MLLT3: variants seen among roughly 807,000 people sequenced by gnomAD.
MLLT3 encodes MLLT3 super elongation complex subunit, also known as protein AF-9.
Under a neutral mutation model 53.2 loss-of-function variants are expected in MLLT3, and 4 were observed. The ratio of observed to expected loss-of-function variants is 0.08; its 90% CI spans 0.04 to 0.17. The LOEUF (loss-of-function observed/expected upper bound fraction) is 0.17, where lower values mean the gene tolerates loss of function less well. MLLT3 is among the 10% of genes least tolerant of loss of function. The probability of loss-of-function intolerance (pLI) is 1.00; values close to 1 mark genes in which losing one functional copy is unlikely to be tolerated. For synonymous variants in MLLT3, 283 were observed against 230.6 expected, an observed-to-expected ratio of 1.23 and a Z score of -2.06; for missense variants, 569 against 684.0, an observed-to-expected ratio of 0.83 and a Z score of 1.87.
At chr9:20,601,943 T>C (rs1820432808) in intron 2 of MLLT3, among the ~76,000 whole-genome samples, 3 of 152,236 alleles carry the variant, frequency 2.0e-5, no homozygotes, top group Admixed American at 1.3e-4. Flanking sequence ...ATCCAGCTTG[T>C]CCACCGGGCT....
chr9:20,505,766 G>A (rs1028911728), intron 2 of MLLT3, among the ~76,000 whole-genome samples: 1 of 152,186 alleles, frequency 6.6e-6, no homozygotes, highest in Non-Finnish European at 1.5e-5. Context: ...CTCTATGCCT[G>A]TATTGCGTCA....
intron 2 of MLLT3, among the ~76,000 whole-genome samples, chr9:20,542,158 G>T (rs943072688): frequency 1.3e-5 from 2 of 151,988 alleles, no homozygotes; most frequent in South Asian, 4.1e-4. Flanking sequence ...GTGTTGCCAG[G>T]CAAGAAAATA....
chr9:20,349,185 T>C (rs148584668), intron 10 of MLLT3, among the ~76,000 whole-genome samples: 134 of 152,328 alleles, frequency 8.8e-4, no homozygotes, highest in African/African-American at 2.9e-3. Context: ...GCAAACTTTT[T>C]CAATGGTATT....
chr9:20,507,540 T>A (rs1286122009), intron 2 of MLLT3, among the ~76,000 whole-genome samples: 1 of 152,178 alleles, frequency 6.6e-6, no homozygotes, highest in African/African-American at 2.4e-5. Flanking sequence ...TCCTCCTTTC[T>A]TCCCAAATCT....
chr9:20,545,438 A>G (rs1818761790), intron 2 of MLLT3, among the ~76,000 whole-genome samples: 1 of 152,212 alleles, frequency 6.6e-6, no homozygotes, highest in Admixed American at 6.5e-5. Flanking sequence ...AGATGGGTAC[A>G]GAGTTGTAAT....
chr9:20,527,561 T>C (rs570339086), intron 2 of MLLT3, among the ~76,000 whole-genome samples: 1 of 152,324 alleles, frequency 6.6e-6, no homozygotes, highest in Non-Finnish European at 1.5e-5. Flanking sequence ...GGAATTAGCC[T>C]AAGCACTGAG....
chr9:20,489,059 G>C (rs1824882469), intron 2 of MLLT3, among the ~76,000 whole-genome samples: 1 of 152,146 alleles, frequency 6.6e-6, no homozygotes, highest in Admixed American at 6.5e-5. Context: ...AAGATTCCAA[G>C]ACATTAATAC....
intron 2 of MLLT3, among the ~76,000 whole-genome samples, chr9:20,618,004 C>G (rs1336407228): frequency 6.6e-6 from 1 of 152,206 alleles, no homozygotes; most frequent in Non-Finnish European, 1.5e-5. Flanking sequence ...ACTAAGGACT[C>G]TTTCATCTTT....
At chr9:20,482,811 T>A (rs61200310) in intron 2 of MLLT3, among the ~76,000 whole-genome samples, 4,557 of 152,266 alleles carry the variant, frequency 0.03, 222 homozygotes, top group African/African-American at 0.1. Context: ...ATCTCTCCCA[T>A]TAGAGGGAAC....
At chr9:20,402,237 CT>C (rs1822473011) in intron 5 of MLLT3, among the ~76,000 whole-genome samples, 1 of 152,142 alleles carries the variant, frequency 6.6e-6, no homozygotes, top group Non-Finnish European at 1.5e-5. Context: ...CACTAGTGAA[CT>C]TTTCCAGCGG....
At chr9:20,519,995 T>A (rs1457937554) in intron 2 of MLLT3, among the ~76,000 whole-genome samples, 2 of 152,164 alleles carry the variant, frequency 1.3e-5, no homozygotes, top group East Asian at 3.8e-4. Flanking sequence ...GGTACATATA[T>A]GCCATGGAAT....
chr9:20,507,753 A>AAAC (rs1554632678), intron 2 of MLLT3, among the ~76,000 whole-genome samples: 13 of 151,766 alleles, frequency 8.6e-5, no homozygotes, highest in African/African-American at 3.1e-4. Flanking sequence ...AAAAAAAAAA[A>AAAC]AAAAAACAAA....
chr9:20,400,043 A>AT (rs1310582254), intron 5 of MLLT3, among the ~76,000 whole-genome samples: 1 of 143,784 alleles, frequency 7.0e-6, no homozygotes, highest in African/African-American at 2.9e-5. Context: ...TGCTAACATC[A>AT]TTAAAAAAAA....
At chr9:20,486,160 T>C (rs1431216646) in intron 2 of MLLT3, among the ~76,000 whole-genome samples, 1 of 152,158 alleles carries the variant, frequency 6.6e-6, no homozygotes, top group Admixed American at 6.5e-5. Flanking sequence ...TATTCTATAC[T>C]TTCCCAGAAA....
At chr9:20,622,081 A>C (rs985931066) in intron 1 of MLLT3, 164 bp downstream of exon 1, 4 of 15,278 alleles carry the variant, frequency 2.6e-4, no homozygotes, top group East Asian at 2.6e-3. Flanking sequence ...GGGGTGGGGG[A>C]GGAGGGGAGC....
intron 8 of MLLT3, 39 bp downstream of exon 8, chr9:20,360,703 C>T (rs1283331710): frequency 6.7e-7 from 1 of 1,487,434 alleles, no homozygotes; most frequent in East Asian, 2.3e-5. Flanking sequence ...TTACACCTAG[C>T]TCTGCAGAGT....
Position 20,344,913 on chromosome 9 carries a change from AT to A in MLLT3, c.*1529del, listed in dbSNP as rs1820826822. ...ACACATAGAGACTTTCTTAAGGCTG[AT>A]CCAGTGACGAACCTTTGGATCCAGA... On this transcript the variant is annotated 3_prime_UTR_variant, in exon 11 of 11. Transcript: ENST00000380338. 1 of 213,928 alleles carries A rather than the reference AT, an allele frequency of 4.7e-6. No homozygotes were observed. 13.3% of individuals were successfully genotyped at this position (213,928 alleles called of 1,614,324 possible). A position where few individuals can be genotyped will look rare whatever the true frequency, so the allele number is the denominator to read the frequency against.
intron 2 of MLLT3, among the ~76,000 whole-genome samples, chr9:20,544,527 CA>C (rs1818734285): frequency 6.6e-6 from 1 of 152,112 alleles, no homozygotes; most frequent in Admixed American, 6.5e-5. Context: ...AATGAAGCCA[CA>C]ATGAAGTACC....
chr9:20,401,999 T>C (rs760576824), intron 5 of MLLT3, among the ~76,000 whole-genome samples: 12 of 152,200 alleles, frequency 7.9e-5, no homozygotes, highest in South Asian at 4.2e-4. Flanking sequence ...AAAAAATATA[T>C]TGGTAACAGG....
Sources: allele counts gnomAD v4.1 joint callset (sites outside exome capture counted in the v4.1 genomes callset), GRCh38; gene constraint gnomAD v4.1.1; transcripts MANE v1.5; gene names NCBI Gene and HGNC (gene_info 2026-07-23, HGNC 2026-07-21).